Variants in EVL observed in about 807,000 individuals in gnomAD.
The protein encoded by EVL is ena/VASP-like protein.
Under a neutral mutation model 59.6 loss-of-function variants are expected in EVL, and 21 were observed. The ratio of observed to expected loss-of-function variants is 0.35; its 90% CI spans 0.25 to 0.51. EVL has a LOEUF of 0.51. Ranked by LOEUF, EVL falls within the 20% of genes least tolerant of loss-of-function variation. The probability of loss-of-function intolerance (pLI) is 0.97; values close to 1 mark genes in which losing one functional copy is unlikely to be tolerated. For synonymous variants in EVL, 198 were observed against 203.5 expected, an observed-to-expected ratio of 0.97 and a Z score of 0.23; for missense variants, 462 against 546.6, an observed-to-expected ratio of 0.85 and a Z score of 1.54.
chr14:100,001,486 T>C (rs1255127810), intron 1 of EVL, among the ~76,000 whole-genome samples: 1 of 152,242 alleles, frequency 6.6e-6, no homozygotes, highest in African/African-American at 2.4e-5. Context: ...AGGACTGATT[T>C]GCTTTATTAT....
At chr14:99,997,101 C>T (rs914163896) in intron 1 of EVL, among the ~76,000 whole-genome samples, 3 of 152,176 alleles carry the variant, frequency 2.0e-5, no homozygotes, top group Non-Finnish European at 4.4e-5. Context: ...ATTTTAGATA[C>T]TCTGTTATTA....
At position 100,022,146 on chromosome 14, in the gene EVL, A is replaced by G. The variant is rs183014267; in HGVS notation, c.5+50089A>G. On this transcript the variant is annotated intron_variant, in intron 1 of 13. Coordinates refer to the EVL transcript ENST00000402714. Reference sequence around the variant, plus strand: ...TTACAGCAGTTCTTCCTACATGAATATAAAGGGGGAAGCACATCCTGGGGC... The same window carrying G: ...TTACAGCAGTTCTTCCTACATGAATGTAAAGGGGGAAGCACATCCTGGGGC... Among the ~76,000 whole-genome samples the G allele has an allele frequency of 6.8e-4, 103 of 152,194 alleles. 1 individual carries two copies. Among genetic ancestry groups the G allele is most frequent in the African/African-American group, 2.4e-3 (98 of 41,534 alleles).
chr14:100,143,837 C>A lies in EVL; in HGVS notation c.*99C>A. On this transcript the variant is annotated 3_prime_UTR_variant, in exon 14 of 14. Transcript: ENST00000392920. Reference sequence around the variant, plus strand: ...AGACTCCAGTGCACCAGAGCACGCACAGGAGCCTGGGCGCGCTGCTGTGAA... The same window carrying A: ...AGACTCCAGTGCACCAGAGCACGCAAAGGAGCCTGGGCGCGCTGCTGTGAA... The A allele has an allele frequency of 6.9e-7, 1 of 1,456,396 alleles. No homozygotes were observed. The highest frequency in any genetic ancestry group is 9.4e-7 in the Non-Finnish European group (1 of 1,062,400). 90.2% of individuals were successfully genotyped at this position (1,456,396 alleles called of 1,614,324 possible). A position where few individuals can be genotyped will look rare whatever the true frequency, so the allele number is the denominator to read the frequency against.
At chr14:99,990,304 A>G (rs1213713487) in intron 1 of EVL, among the ~76,000 whole-genome samples, 1 of 152,134 alleles carries the variant, frequency 6.6e-6, no homozygotes. Context: ...CTTAACAATA[A>G]GTTATTTATT....
intron 2 of EVL, among the ~76,000 whole-genome samples, chr14:100,087,087 A>G (rs1159560114): frequency 6.6e-6 from 1 of 152,206 alleles, no homozygotes; most frequent in South Asian, 2.1e-4. Flanking sequence ...TACATGTTTA[A>G]TGCTCTTTAT....
At chr14:100,121,128 T>C (rs2140363235) in intron 3 of EVL, among the ~76,000 whole-genome samples, 1 of 152,326 alleles carries the variant, frequency 6.6e-6, no homozygotes, top group African/African-American at 2.4e-5. Flanking sequence ...GGAAGTCATG[T>C]GTAGTGCCTC....
At chr14:100,019,461 CCT>C (rs1412574924) in intron 1 of EVL, 118 of 540,750 alleles carry the variant, frequency 2.2e-4, no homozygotes, top group Non-Finnish European at 2.3e-4. Context: ...AGCTGCCTCC[CCT>C]GTTAGCTGCC....
rs550816643 is a variant in EVL, at chr14:99,979,725, C to T, written c.5+7668C>T. ...TCTACGAAAAGTACAAAAAATTAGC[C>T]GGGCGTGGTGGCAGGCGCCTGTAGT... On this transcript the variant is annotated intron_variant, in intron 1 of 13. Transcript: ENST00000402714. 5.3e-4 allele frequency among the ~76,000 whole-genome samples: 81 copies of T among 152,092 alleles called. No homozygotes were observed. In the East Asian group the frequency reaches 0.013, roughly 25 times the overall value.
chr14:100,110,070 T>A (rs1886863148), intron 3 of EVL, among the ~76,000 whole-genome samples: 1 of 152,216 alleles, frequency 6.6e-6, no homozygotes, highest in African/African-American at 2.4e-5. Context: ...TTTAAAAAAA[T>A]TATTTGCAAA....
At chr14:100,060,072 C>CT (rs1361736568) in intron 1 of EVL, among the ~76,000 whole-genome samples, 1 of 152,208 alleles carries the variant, frequency 6.6e-6, no homozygotes, top group Non-Finnish European at 1.5e-5. Context: ...TGTTCACAGA[C>CT]TTTAAGTAAA....
intron 1 of EVL, among the ~76,000 whole-genome samples, chr14:99,986,108 A>G (rs529346739): frequency 1.3e-5 from 2 of 152,138 alleles, no homozygotes; most frequent in South Asian, 2.1e-4. Flanking sequence ...CCTGACCAAC[A>G]TGGCTAAACC....
At position 99,973,167 on chromosome 14, in the gene EVL, G is replaced by A. The variant is rs576472229; in HGVS notation, c.5+1110G>A. Among the ~76,000 whole-genome samples the A allele has an allele frequency of 4.6e-5, 7 of 152,200 alleles. 1 individual carries two copies. In the South Asian group the frequency reaches 1.5e-3, roughly 32 times the overall value. On this transcript the variant is annotated intron_variant, in intron 1 of 13. Transcript: ENST00000402714. ...GGTAGATATCTAGTAGAATTTTTAGGTCAAAAGATAAGCATATCTTTAGCA... is the reference window on the plus strand; with the variant it reads ...GGTAGATATCTAGTAGAATTTTTAGATCAAAAGATAAGCATATCTTTAGCA...
upstream of EVL, among the ~76,000 whole-genome samples, chr14:100,064,411 T>C (rs1409976707): frequency 6.6e-6 from 1 of 152,216 alleles, no homozygotes; most frequent in African/African-American, 2.4e-5. Context: ...CTTACCTTCA[T>C]GAGAACCCTG....
intron 1 of EVL, chr14:99,974,781 C>G (rs569952351): frequency 2.0e-5 from 3 of 152,358 alleles, no homozygotes; most frequent in Non-Finnish European, 4.4e-5. Context: ...ATTTAACACC[C>G]AGACCGACAT....
intron 1 of EVL, among the ~76,000 whole-genome samples, chr14:100,025,809 G>A (rs569567975): frequency 6.6e-6 from 1 of 152,270 alleles, no homozygotes; most frequent in South Asian, 2.1e-4. Flanking sequence ...AGTGGCGCAT[G>A]CCTGTAATCC....
rs751533422 is a variant in EVL, at chr14:99,994,112, C to CTTT, written c.5+22079_5+22081dup. ...TGAGCCACTACACCCAGCCTTTTGG[C>CTTT]TTTTTTTTTTTTTTTTTTTTTTTTT... On this transcript the variant is annotated intron_variant, in intron 1 of 13. Coordinates refer to the EVL transcript ENST00000402714. 2.8e-3 allele frequency among the ~76,000 whole-genome samples: 156 copies of CTTT among 55,160 alleles called. 3 individuals are homozygous for CTTT. Among genetic ancestry groups the CTTT allele is most frequent in the African/African-American group, 0.012 (137 of 11,300 alleles). 36.2% of individuals were successfully genotyped at this position (55,160 alleles called of 152,430 possible). A position where few individuals can be genotyped will look rare whatever the true frequency, so the allele number is the denominator to read the frequency against.
chr14:99,988,280 A>G (rs1178958004), intron 1 of EVL, among the ~76,000 whole-genome samples: 8 of 152,192 alleles, frequency 5.3e-5, no homozygotes, highest in Admixed American at 5.2e-4. Flanking sequence ...AAGATAAACA[A>G]ATGGCCAATA....
chr14:100,049,724 C>T (rs1428623743), intron 1 of EVL, among the ~76,000 whole-genome samples: 1 of 152,034 alleles, frequency 6.6e-6, no homozygotes, highest in Non-Finnish European at 1.5e-5. Context: ...GTTTTGCAAC[C>T]ATCACCACAA....
intron 1 of EVL, among the ~76,000 whole-genome samples, chr14:100,023,365 C>T (rs995753594): frequency 2.6e-4 from 38 of 148,146 alleles, no homozygotes; most frequent in Non-Finnish European, 5.2e-4. Flanking sequence ...CCACCAAGCC[C>T]GGCTAATTTT....
Sources: gnomAD v4.1 joint callset for allele counts (sites outside exome capture counted in the v4.1 genomes callset) on GRCh38, gnomAD v4.1.1 for gene constraint, MANE v1.5 for transcripts, NCBI Gene and HGNC (gene_info 2026-07-23, HGNC 2026-07-21) for gene names.